Variants in CNOT6L observed in about 807,000 individuals in gnomAD.
The protein encoded by CNOT6L is CCR4-NOT transcription complex subunit 6 like, also known as CCR4-NOT transcription complex subunit 6-like.
Under a neutral mutation model 64.0 loss-of-function variants are expected in CNOT6L, and 7 were observed. The ratio of observed to expected loss-of-function variants is 0.11; its 90% CI spans 0.06 to 0.21. The LOEUF (loss-of-function observed/expected upper bound fraction) is 0.21, where lower values mean the gene tolerates loss of function less well. CNOT6L is among the 10% of genes least tolerant of loss of function. The pLI is 1.00. For synonymous variants in CNOT6L, 193 were observed against 243.4 expected, an observed-to-expected ratio of 0.79 and a Z score of 1.93; for missense variants, 245 against 669.0, an observed-to-expected ratio of 0.37 and a Z score of 6.99.
chr4:77,770,941 G>A, intron 4 of CNOT6L, among the ~76,000 whole-genome samples: 1 of 152,166 alleles, frequency 6.6e-6, no homozygotes. Context: ...GAGATAATAT[G>A]AAACAGTTAT....
chr4:77,817,172 G>C (rs974201706), intron 1 of CNOT6L, among the ~76,000 whole-genome samples: 1 of 151,350 alleles, frequency 6.6e-6, no homozygotes, highest in African/African-American at 2.4e-5. Context: ...GCTACAAAAC[G>C]AAAATCATAA....
chr4:77,800,280 C>G (rs1034864435), intron 1 of CNOT6L, among the ~76,000 whole-genome samples: 3 of 152,028 alleles, frequency 2.0e-5, no homozygotes, highest in African/African-American at 7.2e-5. Flanking sequence ...GGTGGGAGGA[C>G]TGCTTGAGCC....
chr4:77,804,441 A>G (rs1731986070), intron 1 of CNOT6L, among the ~76,000 whole-genome samples: 1 of 152,136 alleles, frequency 6.6e-6, no homozygotes, highest in Non-Finnish European at 1.5e-5. Context: ...AAAAAAAAAA[A>G]AAGGAATGAA....
At chr4:77,774,505 A>C in intron 3 of CNOT6L, 25 bp downstream of exon 3, 1 of 1,546,030 alleles carries the variant, frequency 6.5e-7, no homozygotes, top group Non-Finnish European at 8.7e-7. Flanking sequence ...TTATATAGTG[A>C]GTCATGTCTG....
chr4:77,819,498 C>T, upstream of CNOT6L: 1 of 1,230,596 alleles, frequency 8.1e-7, no homozygotes, highest in Non-Finnish European at 1.1e-6. Flanking sequence ...GGGGAAGCCG[C>T]GGCGGCACAC....
At chr4:77,773,329 A>C (rs768758933) in intron 3 of CNOT6L, among the ~76,000 whole-genome samples, 163 bp from the exon 4 acceptor site, 16 of 152,222 alleles carry the variant, frequency 1.1e-4, no homozygotes, top group Non-Finnish European at 1.9e-4. Context: ...TAAAAGTACT[A>C]CAAAATGTGC....
chr4:77,719,013 T>TATA lies in CNOT6L; in HGVS notation c.*1415_*1417dup, dbSNP rs1463555767. On this transcript the variant is annotated 3_prime_UTR_variant, in exon 12 of 12. Transcript: ENST00000504123. ...AGTAAAGTGCATGAAAAGTTTAAAATATAAATTTCAGAAAACTCTTATAGC... is the reference window on the plus strand; with the variant it reads ...AGTAAAGTGCATGAAAAGTTTAAAATATAATAAATTTCAGAAAACTCTTATAGC... 1.3e-5 allele frequency: 2 copies of TATA among 152,506 alleles called. No individual in the cohort carries two copies. Among genetic ancestry groups the TATA allele is most frequent in the African/African-American group, 4.8e-5 (2 of 41,436 alleles). The allele number at this position is 152,506 out of a possible 1,614,324, so 9.4% of individuals were successfully genotyped here.
chr4:77,765,666 G>C (rs972928319), intron 4 of CNOT6L, among the ~76,000 whole-genome samples: 2 of 152,172 alleles, frequency 1.3e-5, no homozygotes, highest in African/African-American at 2.4e-5. Flanking sequence ...ATTGTTAGGA[G>C]AATCAGTCTA....
chr4:77,736,296 A>G (rs930491797), intron 8 of CNOT6L, among the ~76,000 whole-genome samples: 2 of 152,210 alleles, frequency 1.3e-5, no homozygotes, highest in Non-Finnish European at 2.9e-5. Context: ...AGTAAATAAG[A>G]GTGTTGATAT....
intron 1 of CNOT6L, among the ~76,000 whole-genome samples, chr4:77,812,096 GT>G (rs1333924419): frequency 6.6e-6 from 1 of 152,148 alleles, no homozygotes; most frequent in African/African-American, 2.4e-5. Context: ...AACTTCATTT[GT>G]TTGCAGGTGA....
intron 7 of CNOT6L, 114 bp from the exon 8 acceptor site, chr4:77,742,409 A>C: frequency 1.0e-6 from 1 of 987,990 alleles, no homozygotes; most frequent in Non-Finnish European, 1.6e-6. Flanking sequence ...TTCACATAGC[A>C]AATATTATCT....
At chr4:77,762,693 A>T (rs1726378219) in intron 4 of CNOT6L, among the ~76,000 whole-genome samples, 1 of 152,178 alleles carries the variant, frequency 6.6e-6, no homozygotes. Flanking sequence ...AATGAACCTC[A>T]AACACATTAT....
chr4:77,785,512 CG>C (rs1255495379), intron 1 of CNOT6L, among the ~76,000 whole-genome samples: 5 of 150,988 alleles, frequency 3.3e-5, no homozygotes, highest in African/African-American at 1.2e-4. Flanking sequence ...TTGCAAAACA[CG>C]TATCTGAAAA....
intron 6 of CNOT6L, among the ~76,000 whole-genome samples, chr4:77,747,440 T>A (rs1003652791): frequency 2.0e-5 from 3 of 152,222 alleles, no homozygotes; most frequent in African/African-American, 7.2e-5. Flanking sequence ...TGTGCTGGGA[T>A]TACAGGCATG....
chr4:77,785,080 A>C (rs1198391379), intron 1 of CNOT6L, among the ~76,000 whole-genome samples: 1 of 152,240 alleles, frequency 6.6e-6, no homozygotes, highest in African/African-American at 2.4e-5. Flanking sequence ...TAATGAAAGA[A>C]GACACACATA....
chr4:77,767,062 C>CAAA (rs56926683), intron 4 of CNOT6L, among the ~76,000 whole-genome samples: 43 of 25,882 alleles, frequency 1.7e-3, no homozygotes, highest in African/African-American at 4.0e-3. Context: ...AACTCCGTCT[C>CAAA]AAAAAAAAAA....
rs11377990 is a variant in CNOT6L at position 77,718,036 on chromosome 4, A to AT, written c.*2394dup. 0.96 allele frequency: 145,182 copies of AT among 151,322 alleles called. 69,670 individuals are homozygous for AT. The highest frequency in any genetic ancestry group is 0.99 in the African/African-American group (40,553 of 41,160). The allele number at this position is 151,322 out of a possible 1,614,324, so 9.4% of individuals were successfully genotyped here. A position where few individuals can be genotyped will look rare whatever the true frequency, so the allele number is the denominator to read the frequency against. ...ACTTAAGCTGTTTACAATGTTTCCCATTTTTTTTTATTTTTTCCCTCTACA... is the reference window on the plus strand; with the variant it reads ...ACTTAAGCTGTTTACAATGTTTCCCATTTTTTTTTTATTTTTTCCCTCTACA... On this transcript the variant is annotated 3_prime_UTR_variant, in exon 12 of 12. Coordinates refer to ENST00000504123, the MANE Select transcript of CNOT6L (RefSeq NM_144571.3).
chr4:77,716,420 T>A lies in CNOT6L; in HGVS notation c.*4011A>T, dbSNP rs1302416516. Reference sequence around the variant, plus strand: ...AATGATGTGGTTATATGCCTCTGGTTCTTCAAAGAATGTATTTAGCCTATT... The same window carrying A: ...AATGATGTGGTTATATGCCTCTGGTACTTCAAAGAATGTATTTAGCCTATT... On this transcript the variant is annotated 3_prime_UTR_variant, in exon 12 of 12. Transcript: ENST00000504123. 1 of 152,178 alleles carries A rather than the reference T, an allele frequency of 6.6e-6. No homozygotes were observed. The highest frequency in any genetic ancestry group is 1.5e-5 in the Non-Finnish European group (1 of 68,014). The allele number at this position is 152,178 out of a possible 1,614,324, so 9.4% of individuals were successfully genotyped here.
chr4:77,820,232 G>A (rs559330880), upstream of CNOT6L, among the ~76,000 whole-genome samples: 6 of 152,270 alleles, frequency 3.9e-5, no homozygotes, highest in East Asian at 9.7e-4. Context: ...GTGCGAGAAC[G>A]AGGAGGGTTG....
Sources: allele counts gnomAD v4.1 joint callset (sites outside exome capture counted in the v4.1 genomes callset), GRCh38; gene constraint gnomAD v4.1.1; transcripts MANE v1.5; gene names NCBI Gene and HGNC (gene_info 2026-07-23, HGNC 2026-07-21).